Variants in ADAMTSL3 observed in about 807,000 individuals in gnomAD.
The protein encoded by ADAMTSL3 is ADAMTS like 3.
A neutral mutation model predicts 201.7 loss-of-function variants in ADAMTSL3; 128 were observed. The observed-to-expected ratio is 0.63, with a 90% CI of 0.55 to 0.73. The LOEUF is 0.73. Among genes scored for constraint, ADAMTSL3 ranks in the 30% least tolerant of loss-of-function variants. The pLI, the probability that ADAMTSL3 is intolerant of heterozygous loss-of-function variation, is 0.00. For synonymous variants in ADAMTSL3, 738 were observed against 748.4 expected (o/e 0.99, Z 0.23); for missense variants, 1,990 against 2,119.6 (o/e 0.94, Z 1.20).
intron 9 of ADAMTSL3, among the ~76,000 whole-genome samples, chr15:83,878,609 A>T (rs28401196): frequency 7.4e-6 from 1 of 135,166 alleles, no homozygotes; most frequent in Non-Finnish European, 1.6e-5. Context: ...GTGAGACGCC[A>T]TTTCAAAAAA....
intron 22 of ADAMTSL3, among the ~76,000 whole-genome samples, chr15:83,990,667 G>T (rs567552183): frequency 7.9e-5 from 12 of 152,216 alleles, no homozygotes; most frequent in South Asian, 2.1e-4. Context: ...GCCCCAGTGT[G>T]TTTTGGCCCT....
At chr15:84,020,366 A>T (rs2068177686) in intron 25 of ADAMTSL3, among the ~76,000 whole-genome samples, 1 of 152,208 alleles carries the variant, frequency 6.6e-6, no homozygotes, top group Non-Finnish European at 1.5e-5. Context: ...ATGATCTTGA[A>T]AATTAAATGA....
chr15:83,837,798 T>C lies in ADAMTSL3; in HGVS notation c.601-291T>C, dbSNP rs532198494. Among the ~76,000 whole-genome samples the C allele has an allele frequency of 1.6e-3, 228 of 144,194 alleles. 2 individuals carry two copies. Among genetic ancestry groups the C allele is most frequent in the African/African-American group, 5.5e-3 (223 of 40,282 alleles). 94.6% of individuals were successfully genotyped at this position (144,194 alleles called of 152,430 possible). A position where few individuals can be genotyped will look rare whatever the true frequency, so the allele number is the denominator to read the frequency against. ...ACCTGGGCAACAGAGTGAGATCTTG[T>C]CTTGAAAAAAAAAAAAGACAGAAAT... On this transcript the variant is annotated intron_variant, in intron 6 of 29. Coordinates refer to ENST00000286744, the MANE Select transcript of ADAMTSL3 (RefSeq NM_207517.3).
In ADAMTSL3 at chr15:83,892,692, A is replaced by G; in HGVS notation, c.1271A>G (p.His424Arg). The G allele has an allele frequency of 1.9e-6, 3 of 1,613,602 alleles. No homozygotes were observed. The highest frequency in any genetic ancestry group is 2.5e-6 in the Non-Finnish European group (3 of 1,179,772). The change falls in exon 13 of 30, where the codon CAT becomes CGT. Residue 424 changes from histidine to arginine, a missense_variant. His to Arg is a conservative substitution (Grantham distance 29). Coordinates refer to ENST00000286744, the MANE Select transcript of ADAMTSL3 (RefSeq NM_207517.3). ...DHFQPLPRWEHNPWTACSVSC... is the reference protein window; with the variant it reads ...DHFQPLPRWERNPWTACSVSC... ...ATTTGTTTGCTTTTGAGCTGGGAACATAATCCTTGGACTGCATGTTCCGTG... is the reference window on the plus strand; with the variant it reads ...ATTTGTTTGCTTTTGAGCTGGGAACGTAATCCTTGGACTGCATGTTCCGTG...
At chr15:83,786,155 T>C (rs1453285627) in intron 4 of ADAMTSL3, among the ~76,000 whole-genome samples, 14 of 152,144 alleles carry the variant, frequency 9.2e-5, no homozygotes, top group Admixed American at 9.2e-4. Context: ...TTTTGTGTTT[T>C]TAGCAGAGAT....
intron 2 of ADAMTSL3, among the ~76,000 whole-genome samples, chr15:83,678,926 A>G (rs1294044131): frequency 2.0e-5 from 3 of 148,352 alleles, no homozygotes; most frequent in African/African-American, 7.4e-5. Context: ...TATTTTATAT[A>G]TATATATTTC....
intron 17 of ADAMTSL3, among the ~76,000 whole-genome samples, chr15:83,930,476 A>C (rs914090669): frequency 3.3e-5 from 5 of 152,170 alleles, no homozygotes; most frequent in African/African-American, 9.7e-5. Context: ...ATTGTTTCTT[A>C]AATTTACTGA....
At chr15:83,856,397 G>T (rs990469041) in intron 7 of ADAMTSL3, among the ~76,000 whole-genome samples, 1 of 151,612 alleles carries the variant, frequency 6.6e-6, no homozygotes, top group Non-Finnish European at 1.5e-5. Flanking sequence ...GACTGGTCTC[G>T]AACTCCTGGG....
At chr15:83,692,663 G>A (rs2061627638) in intron 2 of ADAMTSL3, among the ~76,000 whole-genome samples, 1 of 142,878 alleles carries the variant, frequency 7.0e-6, no homozygotes, top group Non-Finnish European at 1.5e-5. Context: ...TCCAGCCTGG[G>A]CGACAGAGCG....
intron 4 of ADAMTSL3, among the ~76,000 whole-genome samples, chr15:83,781,761 G>A (rs1205576132): frequency 6.6e-6 from 1 of 152,094 alleles, no homozygotes; most frequent in Non-Finnish European, 1.5e-5. Context: ...TAAAAAGTGG[G>A]CAAAGGACAT....
chr15:83,690,822 A>G lies in ADAMTSL3; in HGVS notation c.70-13567A>G, dbSNP rs545045089. Among the ~76,000 whole-genome samples the G allele has an allele frequency of 2.0e-5, 3 of 152,336 alleles. No individual in the cohort carries two copies. The South Asian group carries it at 6.2e-4, about 32-fold the overall frequency. On this transcript the variant is annotated intron_variant, in intron 2 of 29. Transcript: ENST00000286744. Reference sequence around the variant, plus strand: ...TTGCCTTTAGAACTTTGTGATTACAACAATCGTAATATCATACATTTGTAC... The same window carrying G: ...TTGCCTTTAGAACTTTGTGATTACAGCAATCGTAATATCATACATTTGTAC...
intron 21 of ADAMTSL3, among the ~76,000 whole-genome samples, chr15:83,985,222 G>A (rs370404882): frequency 6.6e-5 from 10 of 151,790 alleles, no homozygotes; most frequent in Non-Finnish European, 8.8e-5. Flanking sequence ...AAAAATCACC[G>A]TGTATCTCAT....
chr15:83,929,783 G>GACACAC (rs144659875), intron 17 of ADAMTSL3, among the ~76,000 whole-genome samples: 1 of 147,946 alleles, frequency 6.8e-6, no homozygotes, highest in Non-Finnish European at 1.5e-5. Flanking sequence ...GACAGAGACA[G>GACACAC]ACACACACAC....
chr15:83,826,542 G>C (rs1243239457), intron 6 of ADAMTSL3, among the ~76,000 whole-genome samples: 1 of 151,230 alleles, frequency 6.6e-6, no homozygotes, highest in African/African-American at 2.4e-5. Context: ...TTAAGTTCTA[G>C]GGTACATGTG....
chr15:84,036,221 A>G (rs1168653607), intron 28 of ADAMTSL3, among the ~76,000 whole-genome samples: 1 of 152,206 alleles, frequency 6.6e-6, no homozygotes, highest in African/African-American at 2.4e-5. Flanking sequence ...AGGCAAGGAA[A>G]TCAGAGATAG....
At chr15:83,772,009 C>A (rs1284871915) in intron 3 of ADAMTSL3, among the ~76,000 whole-genome samples, 1 of 152,108 alleles carries the variant, frequency 6.6e-6, no homozygotes, top group Non-Finnish European at 1.5e-5. Context: ...TGTGACACCA[C>A]GTCCAGCTAG....
Position 83,707,569 on chromosome 15 carries a change from C to A in ADAMTSL3, c.189+3061C>A, listed in dbSNP as rs182402832. On this transcript the variant is annotated intron_variant, in intron 3 of 29. Transcript: ENST00000286744. ...ATCAAGAAAATGAACATTTCTAGCA[C>A]CCTAGGAGGCTCCTTGAACCTCTTT... Among the ~76,000 whole-genome samples the A allele has an allele frequency of 4.6e-5, 7 of 152,286 alleles. No homozygotes were observed. In the East Asian group the frequency reaches 1.4e-3, roughly 29 times the overall value.
At chr15:84,020,022 G>A (rs2068168625) in intron 25 of ADAMTSL3, among the ~76,000 whole-genome samples, 1 of 152,056 alleles carries the variant, frequency 6.6e-6, no homozygotes. Context: ...GCAATTGATT[G>A]GAAAGAGACA....
intron 2 of ADAMTSL3, among the ~76,000 whole-genome samples, chr15:83,662,563 A>G (rs528309411): frequency 5.9e-4 from 81 of 137,952 alleles, no homozygotes; most frequent in South Asian, 2.8e-3. Context: ...TAAAACTTAA[A>G]GTATAATAAA....
Sources: gnomAD v4.1 joint callset for allele counts (sites outside exome capture counted in the v4.1 genomes callset) on GRCh38, gnomAD v4.1.1 for gene constraint, MANE v1.5 for transcripts, NCBI Gene and HGNC (gene_info 2026-07-23, HGNC 2026-07-21) for gene names.